The following PLEKHA7 variants were observed in gnomAD, a reference collection of about 807,000 sequenced individuals.
PLEKHA7 encodes the protein pleckstrin homology domain containing A7, also known as pleckstrin homology domain-containing family A member 7.
PLEKHA7 carries 104 observed loss-of-function variants against 170.0 expected under a neutral mutation model. The observed-to-expected ratio is 0.61, with a 90% CI of 0.52 to 0.72. The LOEUF is 0.72. PLEKHA7 is among the 30% of genes least tolerant of loss of function. The probability of loss-of-function intolerance (pLI) is 0.00; values close to 1 mark genes in which losing one functional copy is unlikely to be tolerated. For missense variants in PLEKHA7, 1,615 were observed against 1,671.7 expected (o/e 0.97, Z 0.59); for synonymous variants, 648 against 660.8 (o/e 0.98, Z 0.30).
chr11:16,889,494 T>TG (rs1856477857), intron 3 of PLEKHA7, among the ~76,000 whole-genome samples: 1 of 148,098 alleles, frequency 6.8e-6, no homozygotes, highest in African/African-American at 2.5e-5. Context: ...CCCAGCTGCT[T>TG]GGGAGGCTGA....
intron 4 of PLEKHA7, among the ~76,000 whole-genome samples, chr11:16,859,193 G>A (rs1256415908): frequency 6.6e-6 from 1 of 152,232 alleles, no homozygotes; most frequent in Non-Finnish European, 1.5e-5. Context: ...ATACTTGGCA[G>A]TCCCTGACCT....
At position 16,888,121 on chromosome 11, in the gene PLEKHA7, C is replaced by T. The variant is rs537204766; in HGVS notation, c.222-16939G>A. 5.9e-5 allele frequency among the ~76,000 whole-genome samples: 9 copies of T among 151,968 alleles called. No individual in the cohort carries two copies. The South Asian group carries it at 1.9e-3, about 32-fold the overall frequency. On this transcript the variant is annotated intron_variant, in intron 3 of 26. Transcript: ENST00000531066. ...AGTGAGGAGCCCCTCCGCCTGGCAG[C>T]CGCCCCATCTGAGAAGTGAGGAGCC...
intron 10 of PLEKHA7, among the ~76,000 whole-genome samples, chr11:16,824,001 G>T (rs192403125): frequency 2.6e-5 from 4 of 152,262 alleles, no homozygotes; most frequent in African/African-American, 9.6e-5. Context: ...AAATATGCCA[G>T]GCACAAAAAG....
chr11:16,976,602 A>G (rs1241731008), intron 3 of PLEKHA7, among the ~76,000 whole-genome samples: 1 of 152,192 alleles, frequency 6.6e-6, no homozygotes, highest in African/African-American at 2.4e-5. Context: ...AGGTGGTTGG[A>G]CTAGCTGCTA....
At chr11:16,952,161 T>A (rs1191360699) in intron 3 of PLEKHA7, among the ~76,000 whole-genome samples, 1 of 152,196 alleles carries the variant, frequency 6.6e-6, no homozygotes, top group Non-Finnish European at 1.5e-5. Context: ...TAACCCAGAA[T>A]AAAGACATTT....
chr11:16,885,222 C>T (rs1336463871), intron 3 of PLEKHA7, among the ~76,000 whole-genome samples: 6 of 151,090 alleles, frequency 4.0e-5, no homozygotes, highest in Admixed American at 2.0e-4. Flanking sequence ...CTCAGCTACT[C>T]AGGAGGCTGA....
chr11:16,808,672 C>T (rs1239163242), intron 13 of PLEKHA7, among the ~76,000 whole-genome samples: 1 of 152,312 alleles, frequency 6.6e-6, no homozygotes, highest in East Asian at 1.9e-4. Flanking sequence ...TTTCTATCTA[C>T]AAAGGCTCCA....
intron 17 of PLEKHA7, among the ~76,000 whole-genome samples, chr11:16,796,236 T>A (rs1848222882): frequency 6.6e-6 from 1 of 152,154 alleles, no homozygotes; most frequent in African/African-American, 2.4e-5. Flanking sequence ...GTTTACACCA[T>A]CTCTAGGATA....
At chr11:16,890,843 G>GA (rs377166452) in intron 3 of PLEKHA7, among the ~76,000 whole-genome samples, 1 of 151,706 alleles carries the variant, frequency 6.6e-6, no homozygotes, top group Non-Finnish European at 1.5e-5. Context: ...CCACTAACAT[G>GA]AAAAAATATA....
intron 3 of PLEKHA7, among the ~76,000 whole-genome samples, chr11:16,982,895 A>G (rs1213065481): frequency 6.6e-6 from 1 of 151,418 alleles, no homozygotes; most frequent in Non-Finnish European, 1.5e-5. Context: ...GGATTCCTGG[A>G]CTCCACACAC....
chr11:16,879,176 G>C (rs1035020813), intron 3 of PLEKHA7, among the ~76,000 whole-genome samples: 1 of 152,108 alleles, frequency 6.6e-6, no homozygotes, highest in South Asian at 2.1e-4. Context: ...TTATATCCTC[G>C]CTAGTATTGC....
At chr11:16,874,020 T>C (rs1458136977) in intron 3 of PLEKHA7, among the ~76,000 whole-genome samples, 1 of 152,146 alleles carries the variant, frequency 6.6e-6, no homozygotes, top group Non-Finnish European at 1.5e-5. Flanking sequence ...AAATGCAAAC[T>C]TTAAATCTAA....
chr11:16,953,484 T>C (rs1861525374), intron 3 of PLEKHA7, among the ~76,000 whole-genome samples: 1 of 152,152 alleles, frequency 6.6e-6, no homozygotes, highest in African/African-American at 2.4e-5. Flanking sequence ...ATTTAAAAGA[T>C]TAAATAAGCT....
At chr11:16,975,110 T>G in intron 3 of PLEKHA7, 9 of 508,084 alleles carry the variant, frequency 1.8e-5, no homozygotes, top group Non-Finnish European at 2.6e-5. Flanking sequence ...ATGCATACAT[T>G]CATGTGTGCC....
chr11:16,862,222 C>T (rs1685183041), intron 4 of PLEKHA7, among the ~76,000 whole-genome samples: 1 of 152,156 alleles, frequency 6.6e-6, no homozygotes, highest in South Asian at 2.1e-4. Flanking sequence ...AGCTAGAAAC[C>T]AGCCCAAACA....
intron 3 of PLEKHA7, among the ~76,000 whole-genome samples, chr11:16,965,326 G>A (rs200010817): frequency 2.5e-4 from 37 of 150,674 alleles, no homozygotes; most frequent in Non-Finnish European, 3.4e-4. Flanking sequence ...GTCTCAAAAA[G>A]AAAAAAAAAG....
At chr11:16,942,993 T>C (rs1276882936) in intron 3 of PLEKHA7, among the ~76,000 whole-genome samples, 1 of 152,246 alleles carries the variant, frequency 6.6e-6, no homozygotes, top group Non-Finnish European at 1.5e-5. Context: ...CTGTTCTAGA[T>C]GTCCACTTCA....
chr11:16,841,990 C>A (rs1370617200), intron 8 of PLEKHA7, among the ~76,000 whole-genome samples: 5 of 152,186 alleles, frequency 3.3e-5, no homozygotes, highest in Admixed American at 3.3e-4. Flanking sequence ...TGGGAGTGTG[C>A]ACAAAGTCAA....
chr11:16,862,686 T>C (rs1027581235), intron 4 of PLEKHA7, among the ~76,000 whole-genome samples: 9 of 152,186 alleles, frequency 5.9e-5, no homozygotes, highest in Non-Finnish European at 1.3e-4. Flanking sequence ...CCAGTGCTGA[T>C]GCCCTTCAAA....
Sources: gnomAD v4.1 joint callset for allele counts (sites outside exome capture counted in the v4.1 genomes callset) on GRCh38, gnomAD v4.1.1 for gene constraint, MANE v1.5 for transcripts, NCBI Gene and HGNC (gene_info 2026-07-23, HGNC 2026-07-21) for gene names.